The following FLI1 variants were observed in gnomAD, a reference collection of about 807,000 sequenced individuals.
The protein encoded by FLI1 is Friend leukemia integration 1 transcription factor.
A neutral mutation model predicts 53.1 loss-of-function variants in FLI1; 13 were observed. That is an observed-to-expected ratio of 0.24 (90% CI 0.16 to 0.39). The LOEUF (loss-of-function observed/expected upper bound fraction) is 0.39. Among genes scored for constraint, FLI1 ranks in the 10% least tolerant of loss-of-function variants. The pLI, the probability that FLI1 is intolerant of heterozygous loss-of-function variation, is 1.00. For missense variants in FLI1, 424 were observed against 600.5 expected (o/e 0.71, Z 3.07); for synonymous variants, 244 against 236.7 (o/e 1.03, Z -0.28).
intron 1 of FLI1, among the ~76,000 whole-genome samples, chr11:128,699,515 A>G (rs1292251706): frequency 6.6e-6 from 1 of 152,174 alleles, no homozygotes; most frequent in Non-Finnish European, 1.5e-5. Context: ...AACCAGCCAC[A>G]ATAGCTTTTT....
rs11221445 is a variant in FLI1, at chr11:128,725,676, T to G, written c.18+31400T>G. 5.8e-4 allele frequency among the ~76,000 whole-genome samples: 85 copies of G among 146,544 alleles called. 1 individual carries two copies. Among genetic ancestry groups the G allele is most frequent in the Admixed American group, 2.9e-3 (43 of 14,694 alleles). On this transcript the variant is annotated intron_variant, in intron 1 of 8. Coordinates refer to ENST00000527786, the MANE Select transcript of FLI1 (RefSeq NM_002017.5). Reference sequence around the variant, plus strand: ...TCTCTCTCTCTCTGTGTGTGTGTGTTTGTGTGTGTGTGTGTGTGTCTGAGT... The same window carrying G: ...TCTCTCTCTCTCTGTGTGTGTGTGTGTGTGTGTGTGTGTGTGTGTCTGAGT...
intron 1 of FLI1, among the ~76,000 whole-genome samples, chr11:128,726,890 A>T (rs1939507954): frequency 6.6e-6 from 1 of 152,046 alleles, no homozygotes; most frequent in Non-Finnish European, 1.5e-5. Flanking sequence ...CGCTTCAAGG[A>T]GGAAGTTAAG....
At chr11:128,799,868 A>G (rs1284299679) in intron 5 of FLI1, among the ~76,000 whole-genome samples, 1 of 152,184 alleles carries the variant, frequency 6.6e-6, no homozygotes, top group African/African-American at 2.4e-5. Flanking sequence ...GCTCCTCCCC[A>G]AAGACTGGAC....
rs1429306672 is a variant in FLI1 at position 128,768,165 on chromosome 11, G to A, written c.278G>A (p.Gly93Asp). 3.1e-6 allele frequency: 5 copies of A among 1,613,768 alleles called. No homozygotes were observed. Among genetic ancestry groups the A allele is most frequent in the Non-Finnish European group, 4.2e-6 (5 of 1,179,874 alleles). Residue 93 changes from glycine (G) to aspartate (D), a missense_variant, in exon 3 of 9, where the codon GGC (glycine) becomes GAC (aspartate). Around this residue, in one of 5 missense-constraint regions of FLI1, gnomAD observed 137 missense variants for 169.1 expected, o/e 0.81. Coordinates refer to ENST00000527786, the MANE Select transcript of FLI1 (RefSeq NM_002017.5). ...GTTAGCAAATGCAGCAAGCTGGTGG[G>A]CGGAGGCGAGTCCAACCCCATGAAC... ...CSVSKCSKLVGGGESNPMNYN... is the reference protein window; with the variant it reads ...CSVSKCSKLVDGGESNPMNYN...
intron 1 of FLI1, among the ~76,000 whole-genome samples, chr11:128,728,872 G>A (rs934081238): frequency 2.0e-5 from 3 of 152,296 alleles, no homozygotes; most frequent in Middle Eastern, 6.8e-3. Context: ...CCAAGGGTGG[G>A]GTGAAGGAAA....
chr11:128,784,148 C>A (rs1476584273), intron 5 of FLI1, among the ~76,000 whole-genome samples: 1 of 151,956 alleles, frequency 6.6e-6, no homozygotes, highest in African/African-American at 2.4e-5. Context: ...GAAATATTTT[C>A]TGATATTGGG....
rs944993215 is a variant in FLI1 at position 128,764,038 on chromosome 11, G to A, written c.231-4080G>A. Among the ~76,000 whole-genome samples the A allele has an allele frequency of 2.6e-4, 39 of 152,222 alleles. 1 individual carries two copies. The highest frequency in any genetic ancestry group is 5.9e-5 in the Non-Finnish European group (4 of 68,040). On this transcript the variant is annotated intron_variant, in intron 2 of 8. Coordinates refer to ENST00000527786, the MANE Select transcript of FLI1 (RefSeq NM_002017.5). ...CAGCCATGTGACTTAGGCAGCCCGC[G>A]AGGCCTCACTTTGGCCACGTGAACA...
At position 128,811,203 on chromosome 11, in the gene FLI1, G is replaced by T; in HGVS notation, c.*215G>T. 1 of 571,790 alleles carries T rather than the reference G, an allele frequency of 1.7e-6. No homozygotes were observed. The highest frequency in any genetic ancestry group is 3.1e-6 in the Non-Finnish European group (1 of 324,960). 35.4% of individuals were successfully genotyped at this position (571,790 alleles called of 1,614,324 possible). On this transcript the variant is annotated 3_prime_UTR_variant, in exon 9 of 9. Coordinates refer to ENST00000527786, the MANE Select transcript of FLI1 (RefSeq NM_002017.5). ...TGAACAAAGAGATGAATAATTCCAT[G>T]GGCCAGTATGCCAGTTTGAATTCTC... is the stretch of plus-strand genomic sequence containing the variant.
In FLI1 at chr11:128,791,325, A is replaced by G. The variant is rs751725765; in HGVS notation, c.655+9302A>G. ...TTTCCCCATTCTTCCTTTGCCGGGT[A>G]TACCTTTCATCCGTCTCAGTCCCCA... On this transcript the variant is annotated intron_variant, in intron 5 of 8. Transcript: ENST00000527786. 4.6e-5 allele frequency among the ~76,000 whole-genome samples: 7 copies of G among 152,112 alleles called. 1 individual carries two copies. The highest frequency in any genetic ancestry group is 1.9e-4 in the East Asian group (1 of 5,182).
chr11:128,780,557 T>G (rs1243955971), intron 4 of FLI1, among the ~76,000 whole-genome samples: 1 of 152,314 alleles, frequency 6.6e-6, no homozygotes, highest in East Asian at 1.9e-4. Context: ...ATCGCGCCAT[T>G]GCACTCCAGC....
At chr11:128,693,301 A>T (rs1008269573), upstream of FLI1, 1 of 152,280 alleles carries the variant, frequency 6.6e-6, no homozygotes, top group African/African-American at 2.4e-5. Flanking sequence ...CCGCGCCCTG[A>T]CAGCGCGGGT....
chr11:128,698,733 T>TGTGTGTGTGTGAGA (rs766077047), intron 1 of FLI1, among the ~76,000 whole-genome samples: 37,924 of 132,974 alleles, frequency 0.29, 5,105 homozygotes, highest in Middle Eastern at 0.34. Context: ...TGTGTGTGTG[T>TGTGTGTGTGTGAGA]GAGAGAGAGA....
chr11:128,812,463 G>T lies in FLI1; in HGVS notation c.*1475G>T. 1 of 225,506 alleles carries T rather than the reference G, an allele frequency of 4.4e-6. No homozygotes were observed. The highest frequency in any genetic ancestry group is 8.8e-6 in the Non-Finnish European group (1 of 113,146). 14.0% of individuals were successfully genotyped at this position (225,506 alleles called of 1,614,324 possible). ...TTTACCGCCCCCGTTAGGTCAAAGG[G>T]TTTTCCCTGGGGAACTTTCCTATTT... On this transcript the variant is annotated 3_prime_UTR_variant, in exon 9 of 9. Transcript: ENST00000527786.
intron 1 of FLI1, among the ~76,000 whole-genome samples, chr11:128,746,550 C>G (rs1035316308): frequency 6.6e-6 from 1 of 152,218 alleles, no homozygotes; most frequent in African/African-American, 2.4e-5. Flanking sequence ...TTGAGATCCT[C>G]TTGGTCTAGC....
At chr11:128,693,250 C>G (rs1394248783), upstream of FLI1, 1 of 152,234 alleles carries the variant, frequency 6.6e-6, no homozygotes, top group Non-Finnish European at 1.5e-5. Context: ...GCGCGCCGCC[C>G]CGAGGGGCCC....
chr11:128,781,080 A>T (rs1014356936), intron 4 of FLI1, among the ~76,000 whole-genome samples: 1 of 152,242 alleles, frequency 6.6e-6, no homozygotes, highest in African/African-American at 2.4e-5. Context: ...CTGGGTACAG[A>T]AGAGGTATGA....
intron 1 of FLI1, chr11:128,695,852 A>G (rs1046215362): frequency 3.3e-5 from 5 of 152,180 alleles, no homozygotes; most frequent in Non-Finnish European, 7.3e-5. Context: ...TTCTGGGTTT[A>G]GTAATGAGAT....
At chr11:128,729,928 C>G (rs1230099965) in intron 1 of FLI1, among the ~76,000 whole-genome samples, 1 of 152,188 alleles carries the variant, frequency 6.6e-6, no homozygotes, top group Non-Finnish European at 1.5e-5. Context: ...CTTTTAGGCA[C>G]CATGTTGATT....
chr11:128,764,874 C>G, intron 2 of FLI1: 2 of 1,561,050 alleles, frequency 1.3e-6, no homozygotes, highest in Non-Finnish European at 1.7e-6. Context: ...GCCAGCTGGG[C>G]AAGTGTGGGG....
Sources: gnomAD v4.1 joint callset for allele counts (sites outside exome capture counted in the v4.1 genomes callset) on GRCh38, gnomAD v4.1.1 for gene constraint, gnomAD v4.1.1 regional missense constraint, MANE v1.5 for transcripts, NCBI Gene and HGNC (gene_info 2026-07-23, HGNC 2026-07-21) for gene names.